NRG1: variants seen among roughly 807,000 people sequenced by gnomAD.
The protein encoded by NRG1 is neuregulin 1, also known as pro-neuregulin-1, membrane-bound isoform.
A neutral mutation model predicts 63.8 loss-of-function variants in NRG1; 18 were observed. That is an observed-to-expected ratio of 0.28 (90% CI 0.19 to 0.42). The LOEUF is 0.42. NRG1 is among the 10% of genes least tolerant of loss of function. The pLI is 1.00. For synonymous variants in NRG1, 302 were observed against 301.3 expected (o/e 1.00, Z -0.02); for missense variants, 762 against 814.7 (o/e 0.94, Z 0.79).
chr8:32,551,016 G>A (rs1348595913), intron 1 of NRG1, among the ~76,000 whole-genome samples: 1 of 152,190 alleles, frequency 6.6e-6, no homozygotes, highest in Non-Finnish European at 1.5e-5. Context: ...TCAACAACTT[G>A]AAACCAGCTT....
chr8:32,435,297 A>G lies in NRG1; in HGVS notation c.38-160531A>G, dbSNP rs16879381. Among the ~76,000 whole-genome samples, 1,392 of 152,262 alleles carry G rather than the reference A, an allele frequency of 9.1e-3. 22 individuals carry two copies. Among genetic ancestry groups the G allele is most frequent in the African/African-American group, 0.032 (1,319 of 41,552 alleles). On this transcript the variant is annotated intron_variant, in intron 1 of 10. Coordinates refer to the NRG1 transcript ENST00000519301. ...CCAAGGTGTCCACATATCACAAAAGAGTTCTCAAAAAATTTCTTCCCAATA... is the reference window on the plus strand; with the variant it reads ...CCAAGGTGTCCACATATCACAAAAGGGTTCTCAAAAAATTTCTTCCCAATA...
At chr8:32,062,938 C>A (rs1400408101) in intron 1 of NRG1, among the ~76,000 whole-genome samples, 1 of 152,092 alleles carries the variant, frequency 6.6e-6, no homozygotes, top group East Asian at 1.9e-4. Flanking sequence ...TGAGGACAAT[C>A]TTTTCCTTAT....
intron 1 of NRG1, among the ~76,000 whole-genome samples, chr8:31,868,959 G>A (rs1021792487): frequency 6.6e-5 from 10 of 152,290 alleles, no homozygotes; most frequent in African/African-American, 1.4e-4. Context: ...ATATTTGTGA[G>A]TCTCTCAAGA....
At chr8:32,511,367 G>GTATATA (rs202038797) in intron 1 of NRG1, among the ~76,000 whole-genome samples, 2,862 of 121,718 alleles carry the variant, frequency 0.024, 38 homozygotes, top group Non-Finnish European at 0.031. Context: ...ATATATATGT[G>GTATATA]TATATATATA....
chr8:31,813,915 A>G (rs1166622133), intron 1 of NRG1, among the ~76,000 whole-genome samples: 14 of 152,154 alleles, frequency 9.2e-5, no homozygotes, highest in Admixed American at 9.2e-4. Flanking sequence ...ATGCCTCATC[A>G]TTCATTTCAC....
chr8:32,505,605 A>G (rs1006311477), intron 1 of NRG1, among the ~76,000 whole-genome samples: 2 of 152,194 alleles, frequency 1.3e-5, no homozygotes, highest in African/African-American at 4.8e-5. Flanking sequence ...GTCATTCCCA[A>G]AAATAGCCAA....
At chr8:32,265,037 T>C (rs1398179712) in intron 1 of NRG1, among the ~76,000 whole-genome samples, 1 of 152,154 alleles carries the variant, frequency 6.6e-6, no homozygotes, top group Non-Finnish European at 1.5e-5. Context: ...TTTCCCTTTG[T>C]CATCTAAAAT....
intron 1 of NRG1, among the ~76,000 whole-genome samples, chr8:32,199,208 A>T (rs1250017275): frequency 1.3e-5 from 2 of 151,858 alleles, no homozygotes; most frequent in African/African-American, 4.8e-5. Flanking sequence ...TCATGGCCAC[A>T]TCTTTATCCT....
chr8:32,203,829 T>A (rs574904351), intron 1 of NRG1, among the ~76,000 whole-genome samples: 11 of 152,222 alleles, frequency 7.2e-5, no homozygotes, highest in Non-Finnish European at 1.5e-4. Context: ...CCCATCAGAA[T>A]CAGCAACTAG....
At chr8:32,422,053 A>G (rs576194557) in intron 1 of NRG1, among the ~76,000 whole-genome samples, 1 of 152,298 alleles carries the variant, frequency 6.6e-6, no homozygotes, top group South Asian at 2.1e-4. Context: ...CATTATGTGG[A>G]TGATGATTTC....
intron 5 of NRG1, among the ~76,000 whole-genome samples, chr8:32,678,924 G>T (rs1445193677): frequency 3.3e-5 from 5 of 152,034 alleles, no homozygotes; most frequent in Middle Eastern, 6.8e-3. Flanking sequence ...GCTGGGTAAA[G>T]GTTGGCCATT....
chr8:32,204,269 T>C (rs76369822), intron 1 of NRG1, among the ~76,000 whole-genome samples: 10,141 of 152,244 alleles, frequency 0.067, 647 homozygotes, highest in African/African-American at 0.17. Context: ...CAGCAAACCA[T>C]TGAAAGAGTT....
At chr8:32,519,775 A>G (rs1335326937) in intron 1 of NRG1, among the ~76,000 whole-genome samples, 1 of 152,178 alleles carries the variant, frequency 6.6e-6, no homozygotes, top group East Asian at 1.9e-4. Context: ...GAAATTTGTG[A>G]TAAACACGTT....
intron 1 of NRG1, among the ~76,000 whole-genome samples, chr8:31,844,975 C>T (rs991181322): frequency 1.3e-4 from 20 of 151,866 alleles, no homozygotes; most frequent in African/African-American, 4.4e-4. Context: ...GATGTGGTGG[C>T]GGGTGCCTGT....
At chr8:32,271,525 TG>T (rs1331666099) in intron 1 of NRG1, among the ~76,000 whole-genome samples, 1 of 152,118 alleles carries the variant, frequency 6.6e-6, no homozygotes, top group Non-Finnish European at 1.5e-5. Flanking sequence ...TCAAGTGAGT[TG>T]CTAAGTTCAT....
chr8:32,055,998 C>T (rs1822871350), intron 1 of NRG1, among the ~76,000 whole-genome samples: 1 of 152,006 alleles, frequency 6.6e-6, no homozygotes, highest in South Asian at 2.1e-4. Context: ...TTACAATGAG[C>T]AATATAGCTG....
intron 1 of NRG1, among the ~76,000 whole-genome samples, chr8:32,098,133 C>CTGT (rs200827454): frequency 3.0e-4 from 20 of 66,128 alleles, no homozygotes; most frequent in Non-Finnish European, 7.1e-4. Context: ...TGGGAAGAAA[C>CTGT]CAAGAGGGCC....
rs566304345 is a variant in NRG1, at chr8:32,468,698, A to G, written c.38-127130A>G. ...CACTAATTAGTATCTACTTAAATAAATATTTGAGCAATTTAACATTACAGT... is the reference window on the plus strand; with the variant it reads ...CACTAATTAGTATCTACTTAAATAAGTATTTGAGCAATTTAACATTACAGT... On this transcript the variant is annotated intron_variant, in intron 1 of 10. Coordinates refer to the NRG1 transcript ENST00000519301. Among the ~76,000 whole-genome samples, 9 of 149,184 alleles carry G rather than the reference A, an allele frequency of 6.0e-5. No homozygotes were observed. In the South Asian group the frequency reaches 1.9e-3, roughly 32 times the overall value.
chr8:32,691,577 A>G (rs910726346), intron 5 of NRG1, among the ~76,000 whole-genome samples: 1 of 152,212 alleles, frequency 6.6e-6, no homozygotes, highest in Non-Finnish European at 1.5e-5. Flanking sequence ...AAAATTTTCT[A>G]TATACTAGTG....
Sources: allele counts gnomAD v4.1 joint callset (sites outside exome capture counted in the v4.1 genomes callset), GRCh38; gene constraint gnomAD v4.1.1; transcripts MANE v1.5; gene names NCBI Gene and HGNC (gene_info 2026-07-23, HGNC 2026-07-21).